The following RNF216 variants were observed in gnomAD, a reference collection of about 807,000 sequenced individuals.
RNF216 encodes the protein E3 ubiquitin-protein ligase RNF216.
A neutral mutation model predicts 110.8 loss-of-function variants in RNF216; 72 were observed. The ratio of observed to expected loss-of-function variants is 0.65; its 90% CI spans 0.54 to 0.79. RNF216 has a LOEUF of 0.79. RNF216 is among the 30% of genes least tolerant of loss of function. RNF216 has a pLI of 0.00. For missense variants in RNF216, 1,342 were observed against 1,141.2 expected (o/e 1.18, Z -2.54); for synonymous variants, 495 against 407.5 (o/e 1.21, Z -2.59).
chr7:5,647,171 TTGCTCTGG>T (rs1280534806), intron 14 of RNF216, among the ~76,000 whole-genome samples: 3 of 151,880 alleles, frequency 2.0e-5, no homozygotes, highest in Non-Finnish European at 2.9e-5. Flanking sequence ...AGGTTAATTC[TTGCTCTGG>T]TGGGAGATAG....
At chr7:5,750,334 G>C (rs1177964008) in intron 3 of RNF216, among the ~76,000 whole-genome samples, 3 of 152,144 alleles carry the variant, frequency 2.0e-5, no homozygotes, top group African/African-American at 7.2e-5. Flanking sequence ...ATTTTTTAAA[G>C]ACCAATTTGA....
chr7:5,644,223 T>C (rs1787914212), intron 14 of RNF216, among the ~76,000 whole-genome samples: 2 of 152,170 alleles, frequency 1.3e-5, no homozygotes, highest in Non-Finnish European at 2.9e-5. Flanking sequence ...CTGGGTCATA[T>C]GGTAATTCTA....
At position 5,620,957 on chromosome 7, in the gene RNF216, C is replaced by T. The variant is rs1035055840; in HGVS notation, c.*1903G>A. On this transcript the variant is annotated 3_prime_UTR_variant, in exon 17 of 17. Transcript: ENST00000389902. ...GCATATTTAAGGTACCGAAGACAATCCTGTTGCTGCCGCATGGAGCCTGCC... is the reference window on the plus strand; with the variant it reads ...GCATATTTAAGGTACCGAAGACAATTCTGTTGCTGCCGCATGGAGCCTGCC... The T allele has an allele frequency of 1.3e-5, 2 of 152,244 alleles. No individual in the cohort carries two copies. Among genetic ancestry groups the T allele is most frequent in the Admixed American group, 6.5e-5 (1 of 15,282 alleles). The allele number at this position is 152,244 out of a possible 1,614,324, so 9.4% of individuals were successfully genotyped here. A position where few individuals can be genotyped will look rare whatever the true frequency, so the allele number is the denominator to read the frequency against.
chr7:5,692,250 G>A (rs1791381913), intron 13 of RNF216, among the ~76,000 whole-genome samples: 1 of 152,198 alleles, frequency 6.6e-6, no homozygotes. Flanking sequence ...AGCAGACAAG[G>A]ATTTGCCACT....
intron 5 of RNF216, among the ~76,000 whole-genome samples, 197 bp from the exon 6 acceptor site, chr7:5,731,014 CA>C (rs1171161911): frequency 2.0e-5 from 3 of 147,296 alleles, no homozygotes; most frequent in Non-Finnish European, 3.0e-5. Context: ...TTGTGAAAGA[CA>C]AAAAAATTTA....
At chr7:5,724,135 T>C (rs1379389845) in intron 8 of RNF216, among the ~76,000 whole-genome samples, 1 of 152,188 alleles carries the variant, frequency 6.6e-6, no homozygotes, top group Non-Finnish European at 1.5e-5. Flanking sequence ...AGGCTGAATG[T>C]GAGCAGACCT....
chr7:5,740,623 T>C (rs186482880), intron 4 of RNF216, among the ~76,000 whole-genome samples: 143 of 152,300 alleles, frequency 9.4e-4, no homozygotes, highest in African/African-American at 3.3e-3. Flanking sequence ...AAGTGCCATA[T>C]TGGACAGCAT....
intron 1 of RNF216, among the ~76,000 whole-genome samples, 164 bp downstream of exon 1, chr7:5,781,377 C>T (rs1425294046): frequency 1.3e-5 from 2 of 151,954 alleles, no homozygotes; most frequent in Non-Finnish European, 2.9e-5. Context: ...AGCCCCTTGG[C>T]CCGATCCCGC....
intron 14 of RNF216, among the ~76,000 whole-genome samples, chr7:5,647,993 G>T (rs1038189831): frequency 6.6e-6 from 1 of 152,054 alleles, no homozygotes; most frequent in African/African-American, 2.4e-5. Context: ...TTCATGGTGG[G>T]CCACCCAGAC....
rs182768136 is a variant in RNF216 at position 5,769,498 on chromosome 7, G to A, written c.-69-8360C>T. 1.6e-3 allele frequency among the ~76,000 whole-genome samples: 248 copies of A among 151,954 alleles called. 3 individuals carry two copies. Among genetic ancestry groups the A allele is most frequent in the Non-Finnish European group, 1.4e-3 (95 of 67,936 alleles). On this transcript the variant is annotated intron_variant, in intron 1 of 16. Transcript: ENST00000389902. ...AGCACTTTGGGAGTCTGAGGTGGGC[G>A]GACTGCTTGAGCTCAGGAGTTCAAG...
intron 3 of RNF216, 31 bp downstream of exon 3, chr7:5,752,815 A>C (rs1795400857): frequency 6.2e-7 from 1 of 1,603,894 alleles, no homozygotes; most frequent in African/African-American, 1.3e-5. Flanking sequence ...ACTTGCAATA[A>C]TGTCTCATTG....
chr7:5,656,870 C>A (rs978561747), intron 13 of RNF216, among the ~76,000 whole-genome samples: 12 of 152,264 alleles, frequency 7.9e-5, no homozygotes, highest in Non-Finnish European at 1.3e-4. Flanking sequence ...TTCTCAAGAA[C>A]CAGTAGACAA....
At chr7:5,682,723 A>G (rs1790740064) in intron 13 of RNF216, among the ~76,000 whole-genome samples, 1 of 152,136 alleles carries the variant, frequency 6.6e-6, no homozygotes, top group Non-Finnish European at 1.5e-5. Flanking sequence ...TTACTTTTAA[A>G]TAAGTAGCAT....
chr7:5,648,021 G>A (rs1040296618), intron 14 of RNF216, among the ~76,000 whole-genome samples: 5 of 151,994 alleles, frequency 3.3e-5, no homozygotes, highest in Non-Finnish European at 7.4e-5. Context: ...AGCTCTGGGT[G>A]TTTTGTAATT....
intron 7 of RNF216, among the ~76,000 whole-genome samples, chr7:5,726,578 G>A (rs766859830): frequency 1.3e-5 from 2 of 152,008 alleles, no homozygotes; most frequent in Non-Finnish European, 1.5e-5. Flanking sequence ...TCAAATCAGG[G>A]TGGGCGCGGT....
chr7:5,751,019 TTTAG>T (rs1671062279), intron 3 of RNF216, among the ~76,000 whole-genome samples: 1 of 152,230 alleles, frequency 6.6e-6, no homozygotes, highest in Admixed American at 6.5e-5. Context: ...GCTATTTGGT[TTTAG>T]TTGGGGCCCT....
intron 13 of RNF216, among the ~76,000 whole-genome samples, chr7:5,691,913 T>C (rs911026004): frequency 6.6e-6 from 1 of 152,246 alleles, no homozygotes; most frequent in Non-Finnish European, 1.5e-5. Context: ...AGACAAGTAA[T>C]GAAAGACAGA....
At chr7:5,748,531 C>T (rs73064662) in intron 3 of RNF216, among the ~76,000 whole-genome samples, 1,527 of 151,316 alleles carry the variant, frequency 0.01, 23 homozygotes, top group African/African-American at 0.033. Context: ...CGTGAGCCAC[C>T]GTGTCCAGTT....
At chr7:5,735,549 T>C (rs1464654337) in intron 5 of RNF216, among the ~76,000 whole-genome samples, 3 of 151,736 alleles carry the variant, frequency 2.0e-5, no homozygotes, top group Non-Finnish European at 2.9e-5. Flanking sequence ...GGTAGATGAG[T>C]TAAAAGGAGA....
Sources: allele counts gnomAD v4.1 joint callset (sites outside exome capture counted in the v4.1 genomes callset), GRCh38; gene constraint gnomAD v4.1.1; transcripts MANE v1.5; gene names NCBI Gene and HGNC (gene_info 2026-07-23, HGNC 2026-07-21).